UNC79: variants seen among roughly 807,000 people sequenced by gnomAD.
UNC79 encodes unc-79 subunit of NALCN channel complex.
Under a neutral mutation model 283.1 loss-of-function variants are expected in UNC79, and 37 were observed. The ratio of observed to expected loss-of-function variants is 0.13; its 90% CI spans 0.10 to 0.17. The LOEUF (loss-of-function observed/expected upper bound fraction) is 0.17, where lower values mean the gene tolerates loss of function less well. UNC79 is among the 10% of genes least tolerant of loss of function. The pLI, the probability that UNC79 is intolerant of heterozygous loss-of-function variation, is 1.00. For synonymous variants in UNC79, 1,107 were observed against 1,200.2 expected (o/e 0.92, Z 1.61); for missense variants, 2,272 against 3,211.1 (o/e 0.71, Z 7.07).
At chr14:93,365,200 A>C (rs1200436187) in intron 1 of UNC79, among the ~76,000 whole-genome samples, 2 of 152,084 alleles carry the variant, frequency 1.3e-5, no homozygotes, top group African/African-American at 4.8e-5. Context: ...AGCCTGGCCA[A>C]CATGGTGAAA....
At chr14:93,481,940 T>C (rs1005835697) in intron 4 of UNC79, among the ~76,000 whole-genome samples, 1 of 152,176 alleles carries the variant, frequency 6.6e-6, no homozygotes, top group African/African-American at 2.4e-5. Context: ...CTTCAACTAT[T>C]GGCAAATCTC....
intron 47 of UNC79, among the ~76,000 whole-genome samples, chr14:93,700,495 A>G (rs2141041561): frequency 6.6e-6 from 1 of 151,872 alleles, no homozygotes; most frequent in Non-Finnish European, 1.5e-5. Context: ...TTTTCTGTTA[A>G]TGGATTTTTC....
intron 35 of UNC79, among the ~76,000 whole-genome samples, chr14:93,651,747 TG>T (rs1473466661): frequency 1.3e-5 from 2 of 151,844 alleles, no homozygotes; most frequent in East Asian, 1.9e-4. Context: ...TTGTTTCTTT[TG>T]TTTTTTTTGA....
In UNC79 at chr14:93,622,778, C is replaced by T. The variant is rs370922741; in HGVS notation, c.5545C>T (p.Gln1849Ter). Residue 1849 changes from glutamine to a stop codon, truncating the protein, a stop_gained, in exon 30 of 49, where the codon CAG (glutamine) becomes TAG (stop). Coordinates refer to ENST00000555664, the Ensembl canonical transcript of UNC79. LOFTEE classifies it high-confidence loss of function. The stretch of plus-strand genomic sequence containing the variant: ...GAGGAAGATTGCTGTCAGTGCTATC[C>T]AGAGAGAGTACCTCGACATCTCCTT... 9 of 1,614,038 alleles carry T rather than the reference C, an allele frequency of 5.6e-6. No homozygotes were observed. The highest frequency in any genetic ancestry group is 1.3e-5 in the African/African-American group (1 of 74,916).
chr14:93,635,545 CA>C (rs1487831458), intron 31 of UNC79, among the ~76,000 whole-genome samples: 1 of 152,134 alleles, frequency 6.6e-6, no homozygotes, highest in Non-Finnish European at 1.5e-5. Context: ...ATAATATCCA[CA>C]AAAGCAAAAT....
intron 14 of UNC79, among the ~76,000 whole-genome samples, chr14:93,551,216 ATCT>A: frequency 6.6e-6 from 1 of 152,174 alleles, no homozygotes; most frequent in South Asian, 2.1e-4. Context: ...AGCCCGGCTA[ATCT>A]TCTGTATTTT....
At chr14:93,500,426 T>C (rs1311056931) in intron 7 of UNC79, among the ~76,000 whole-genome samples, 1 of 152,090 alleles carries the variant, frequency 6.6e-6, no homozygotes, top group Non-Finnish European at 1.5e-5. Context: ...CCCATTCTAG[T>C]AGACCATGGC....
At chr14:93,390,981 T>C (rs1262025279) in intron 1 of UNC79, among the ~76,000 whole-genome samples, 1 of 152,232 alleles carries the variant, frequency 6.6e-6, no homozygotes, top group African/African-American at 2.4e-5. Flanking sequence ...AAACTTTATT[T>C]GAAAATTAAA....
chr14:93,665,230 AAAAG>A (rs1237548477), intron 40 of UNC79, among the ~76,000 whole-genome samples: 1 of 150,660 alleles, frequency 6.6e-6, no homozygotes, highest in Non-Finnish European at 1.5e-5. Context: ...TTTCAAAAAA[AAAAG>A]AAAATAAACC....
chr14:93,692,730 C>T (rs1215281633), intron 46 of UNC79, among the ~76,000 whole-genome samples: 1 of 152,176 alleles, frequency 6.6e-6, no homozygotes, highest in East Asian at 1.9e-4. Context: ...TGGAAAATGT[C>T]TGGGGTATGG....
At chr14:93,538,804 CAAA>C (rs534706329) in intron 12 of UNC79, among the ~76,000 whole-genome samples, 12 of 111,372 alleles carry the variant, frequency 1.1e-4, no homozygotes, top group African/African-American at 2.4e-4. Flanking sequence ...ATCACATGAC[CAAA>C]AAAAAAAAAA....
chr14:93,541,374 C>T (rs753707349), intron 13 of UNC79, among the ~76,000 whole-genome samples: 9 of 152,168 alleles, frequency 5.9e-5, no homozygotes, highest in Non-Finnish European at 1.2e-4. Context: ...AGAGATCAAA[C>T]ATACAGATCT....
intron 27 of UNC79, among the ~76,000 whole-genome samples, chr14:93,613,792 T>G (rs1377723342): frequency 6.6e-6 from 1 of 152,178 alleles, no homozygotes; most frequent in Non-Finnish European, 1.5e-5. Flanking sequence ...GTTTGTTAAT[T>G]CTATGTTAGA....
intron 47 of UNC79, among the ~76,000 whole-genome samples, chr14:93,696,129 A>G: frequency 6.6e-6 from 1 of 152,100 alleles, no homozygotes; most frequent in Non-Finnish European, 1.5e-5. Flanking sequence ...ATGTTATTGC[A>G]TGTAGCAGTG....
chr14:93,449,347 G>T (rs2056561394), intron 1 of UNC79, among the ~76,000 whole-genome samples: 1 of 152,140 alleles, frequency 6.6e-6, no homozygotes. Flanking sequence ...TTAAATAAAT[G>T]GCTGCTGCCT....
At chr14:93,566,150 G>T (rs1251443115) in intron 14 of UNC79, among the ~76,000 whole-genome samples, 1 of 152,142 alleles carries the variant, frequency 6.6e-6, no homozygotes, top group Non-Finnish European at 1.5e-5. Flanking sequence ...CCATCATGCT[G>T]GCTCACAAGC....
intron 1 of UNC79, among the ~76,000 whole-genome samples, chr14:93,391,329 A>G (rs1001901460): frequency 2.6e-5 from 4 of 152,250 alleles, no homozygotes; most frequent in African/African-American, 7.2e-5. Flanking sequence ...CCAGACATCA[A>G]TTCCACGTGG....
chr14:93,359,538 G>A (rs1420345809), intron 1 of UNC79, among the ~76,000 whole-genome samples: 4 of 152,166 alleles, frequency 2.6e-5, no homozygotes, highest in African/African-American at 9.7e-5. Flanking sequence ...CAAAGGCAAG[G>A]TCAGCATAGC....
At chr14:93,371,582 T>G (rs1241810018) in intron 1 of UNC79, among the ~76,000 whole-genome samples, 1 of 152,144 alleles carries the variant, frequency 6.6e-6, no homozygotes, top group African/African-American at 2.4e-5. Context: ...GGCTCACGCC[T>G]GTAATCCCAG....
Sources: allele counts gnomAD v4.1 joint callset (sites outside exome capture counted in the v4.1 genomes callset), GRCh38; gene constraint gnomAD v4.1.1; transcripts MANE v1.5; gene names NCBI Gene and HGNC (gene_info 2026-07-23, HGNC 2026-07-21).